USP37: variants seen among roughly 807,000 people sequenced by gnomAD.
USP37 encodes the protein ubiquitin carboxyl-terminal hydrolase 37.
USP37 carries 27 observed loss-of-function variants against 124.0 expected under a neutral mutation model. That is an observed-to-expected ratio of 0.22 (90% confidence interval 0.16 to 0.30). The LOEUF is 0.30. Ranked by LOEUF, USP37 falls within the 10% of genes least tolerant of loss-of-function variation. USP37 has a pLI of 1.00. For synonymous variants in USP37, 365 were observed against 388.0 expected, an observed-to-expected ratio of 0.94 and a Z score of 0.70; for missense variants, 889 against 1,140.4, an observed-to-expected ratio of 0.78 and a Z score of 3.17.
At chr2:218,499,790 T>A in intron 11 of USP37, among the ~76,000 whole-genome samples, 1 of 152,292 alleles carries the variant, frequency 6.6e-6, no homozygotes, top group East Asian at 1.9e-4. Flanking sequence ...GTTGTTTTAT[T>A]TTTGTTTTTG....
chr2:218,533,383 T>G (rs1259016052), intron 9 of USP37, among the ~76,000 whole-genome samples: 1 of 152,236 alleles, frequency 6.6e-6, no homozygotes, highest in Non-Finnish European at 1.5e-5. Flanking sequence ...CCATTAGTAG[T>G]GTTACTTTAG....
In USP37 at chr2:218,552,225, G is replaced by A. The variant is rs928628911; in HGVS notation, c.328+1328C>T. Among the ~76,000 whole-genome samples, 4 of 152,108 alleles carry A rather than the reference G, an allele frequency of 2.6e-5. No homozygotes were observed. In the East Asian group the frequency reaches 5.8e-4, roughly 22 times the overall value. On this transcript the variant is annotated intron_variant, in intron 5 of 25. Coordinates refer to ENST00000258399, the MANE Select transcript of USP37 (RefSeq NM_020935.3). The stretch of plus-strand genomic sequence containing the variant: ...TTTTATTTTACAAGAATACGGTGTC[G>A]AATGGAGATACTAATTAAAGGTAGT...
intron 10 of USP37, among the ~76,000 whole-genome samples, chr2:218,518,348 A>T (rs1690414657): frequency 6.6e-6 from 1 of 152,118 alleles, no homozygotes; most frequent in Non-Finnish European, 1.5e-5. Flanking sequence ...TTTTATAATC[A>T]CTGACTCATT....
Position 218,558,536 on chromosome 2 carries a change from C to T in USP37, c.118G>A (p.Val40Ile). 1 of 1,613,470 alleles carries T rather than the reference C, an allele frequency of 6.2e-7. No individual in the cohort carries two copies. Among genetic ancestry groups the T allele is most frequent in the Non-Finnish European group, 8.5e-7 (1 of 1,179,766 alleles). The change falls in exon 4 of 26, where the codon GTT (valine) becomes ATT (isoleucine). Residue 40 changes from valine to isoleucine, a missense_variant. Transcript: ENST00000258399. ...GGAATTCCTCCAGTATTGTAGTGAA[C>T]TACTAGGCTGACTTTATTCTCTTTT... is the stretch of plus-strand genomic sequence containing the variant. ...VEKENKVSLV[V>I]HYNTGGIPRI...
chr2:218,472,899 T>C (rs1277699939), intron 20 of USP37, among the ~76,000 whole-genome samples: 1 of 152,184 alleles, frequency 6.6e-6, no homozygotes, highest in Non-Finnish European at 1.5e-5. Context: ...TCCAAAATAT[T>C]TTTTGTAGAA....
chr2:218,520,001 G>A lies in USP37; in HGVS notation c.864-9861C>T, dbSNP rs182055303. 7.3e-4 allele frequency among the ~76,000 whole-genome samples: 111 copies of A among 152,080 alleles called. 1 individual carries two copies. In the East Asian group the frequency reaches 0.017, roughly 24 times the overall value. On this transcript the variant is annotated intron_variant, in intron 10 of 25. Coordinates refer to ENST00000258399, the MANE Select transcript of USP37 (RefSeq NM_020935.3). ...CACCCATGCTGGAGTACAATGGTGC[G>A]ATCTAGGCTCACTGCAATCTCTGCC...
At chr2:218,512,989 T>C (rs938933598) in intron 10 of USP37, among the ~76,000 whole-genome samples, 1 of 152,148 alleles carries the variant, frequency 6.6e-6, no homozygotes, top group African/African-American at 2.4e-5. Context: ...ATGCATTTAC[T>C]ATTTGTTCTA....
intron 22 of USP37, among the ~76,000 whole-genome samples, chr2:218,463,003 A>C (rs1313306520): frequency 6.6e-6 from 1 of 152,032 alleles, no homozygotes; most frequent in African/African-American, 2.4e-5. Context: ...CCCCGTCTCT[A>C]CTGAAAATAC....
chr2:218,505,873 T>C (rs1689652544), intron 11 of USP37, among the ~76,000 whole-genome samples: 2 of 151,970 alleles, frequency 1.3e-5, no homozygotes, highest in Admixed American at 6.6e-5. Context: ...TTTTGTTGTT[T>C]TTTTTTTGAG....
At chr2:218,455,479 ATC>A in intron 25 of USP37, 99 bp downstream of exon 25, 2 of 1,488,462 alleles carry the variant, frequency 1.3e-6, no homozygotes, top group African/African-American at 2.8e-5. Flanking sequence ...TTTTCAACCA[ATC>A]AACTGATGGA....
intron 9 of USP37, among the ~76,000 whole-genome samples, chr2:218,532,139 C>T (rs1400175412): frequency 3.3e-5 from 5 of 152,052 alleles, no homozygotes; most frequent in Admixed American, 6.6e-5. Context: ...TTTCATGAAA[C>T]GAAGAGTCAA....
chr2:218,504,131 A>G (rs1300357821), intron 11 of USP37, among the ~76,000 whole-genome samples: 1 of 152,234 alleles, frequency 6.6e-6, no homozygotes, highest in East Asian at 1.9e-4. Context: ...TATAAAATAC[A>G]TAAAGTAAAA....
chr2:218,524,918 G>T (rs1432055768), intron 10 of USP37, among the ~76,000 whole-genome samples: 1 of 152,168 alleles, frequency 6.6e-6, no homozygotes, highest in Non-Finnish European at 1.5e-5. Context: ...CCAGAAGGAT[G>T]TTATTAATAG....
At chr2:218,554,617 C>T (rs1692855918) in intron 4 of USP37, among the ~76,000 whole-genome samples, 1 of 152,042 alleles carries the variant, frequency 6.6e-6, no homozygotes, top group Non-Finnish European at 1.5e-5. Flanking sequence ...CATAGTGGAG[C>T]ACACCTGTAG....
intron 19 of USP37, among the ~76,000 whole-genome samples, chr2:218,475,608 G>A (rs1690925049): frequency 2.0e-5 from 3 of 152,080 alleles, no homozygotes; most frequent in East Asian, 1.9e-4. Flanking sequence ...ATGGTGGCAC[G>A]CACCTGTAGT....
chr2:218,467,375 G>A (rs1435719265), intron 20 of USP37, among the ~76,000 whole-genome samples: 1 of 149,872 alleles, frequency 6.7e-6, no homozygotes, highest in Non-Finnish European at 1.5e-5. Context: ...TTGAGATGGA[G>A]TTTCGCTCTG....
At chr2:218,480,106 A>T (rs2105973076) in intron 17 of USP37, among the ~76,000 whole-genome samples, 1 of 151,466 alleles carries the variant, frequency 6.6e-6, no homozygotes, top group Admixed American at 6.6e-5. Flanking sequence ...TGATCGCACC[A>T]CTGCACTCCA....
chr2:218,558,990 C>T (rs921938024), intron 3 of USP37, among the ~76,000 whole-genome samples: 3 of 129,114 alleles, frequency 2.3e-5, no homozygotes, highest in African/African-American at 8.6e-5. Flanking sequence ...TCTGGATTTC[C>T]AAATATAAGT....
chr2:218,485,817 G>T, intron 15 of USP37, 74 bp from the exon 16 acceptor site: 2 of 1,484,648 alleles, frequency 1.3e-6, no homozygotes, highest in African/African-American at 1.4e-5. Context: ...ATTTGCTCTA[G>T]TCTTATTAGT....
Sources: gnomAD v4.1 joint callset for allele counts (sites outside exome capture counted in the v4.1 genomes callset) on GRCh38, gnomAD v4.1.1 for gene constraint, MANE v1.5 for transcripts, NCBI Gene and HGNC (gene_info 2026-07-23, HGNC 2026-07-21) for gene names.